The following PTPN4 variants were observed in gnomAD, a reference collection of about 807,000 sequenced individuals.
PTPN4 encodes the protein tyrosine-protein phosphatase non-receptor type 4.
Under a neutral mutation model 135.5 loss-of-function variants are expected in PTPN4, and 49 were observed. The ratio of observed to expected loss-of-function variants is 0.36; its 90% CI spans 0.29 to 0.46. The LOEUF is 0.46. Ranked by LOEUF, PTPN4 falls within the 20% of genes least tolerant of loss-of-function variation. PTPN4 has a pLI of 1.00. For missense variants in PTPN4, 860 were observed against 1,101.0 expected (o/e 0.78, Z 3.10); for synonymous variants, 333 against 369.9 (o/e 0.90, Z 1.14).
chr2:119,814,335 A>T (rs940880714), intron 2 of PTPN4, among the ~76,000 whole-genome samples: 3 of 152,158 alleles, frequency 2.0e-5, no homozygotes, highest in African/African-American at 7.2e-5. Context: ...TCAGCTGCAC[A>T]TGATGCTCCT....
At chr2:119,909,785 G>C (rs1198509261) in intron 10 of PTPN4, among the ~76,000 whole-genome samples, 2 of 152,088 alleles carry the variant, frequency 1.3e-5, no homozygotes, top group Admixed American at 6.6e-5. Flanking sequence ...TGAAGAAATT[G>C]ATTCCAACCC....
At chr2:119,813,779 C>T (rs1416791239) in intron 2 of PTPN4, among the ~76,000 whole-genome samples, 2 of 152,246 alleles carry the variant, frequency 1.3e-5, no homozygotes, top group African/African-American at 4.8e-5. Flanking sequence ...ATACAGTCTG[C>T]CAATATGGCA....
intron 2 of PTPN4, among the ~76,000 whole-genome samples, chr2:119,818,062 C>T (rs1677014363): frequency 6.6e-6 from 1 of 152,158 alleles, no homozygotes; most frequent in Non-Finnish European, 1.5e-5. Context: ...AGCTTGAGGG[C>T]TGAGACTATG....
Position 119,967,866 on chromosome 2 carries a change from T to C in PTPN4, c.2588T>C (p.Ile863Thr). Reference sequence around the variant, plus strand: ...GGAATCGGAAGAACTGGGGTTCTTATTACTATGGAAACAGCCATGTGTCTC... The same window carrying C: ...GGAATCGGAAGAACTGGGGTTCTTACTACTATGGAAACAGCCATGTGTCTC... ...SAGIGRTGVL[I>T]TMETAMCLIE... Residue 863 changes from isoleucine to threonine, a missense_variant, in exon 26 of 27, where the codon ATT becomes ACT. Physicochemically the swap from Ile to Thr is moderately conservative, Grantham distance 89. Coordinates refer to ENST00000263708, the MANE Select transcript of PTPN4 (RefSeq NM_002830.4). The C allele has an allele frequency of 6.2e-7, 1 of 1,610,812 alleles. No homozygotes were observed. The highest frequency in any genetic ancestry group is 8.5e-7 in the Non-Finnish European group (1 of 1,177,836).
At chr2:119,918,907 A>G (rs903949816) in intron 11 of PTPN4, among the ~76,000 whole-genome samples, 10 of 152,254 alleles carry the variant, frequency 6.6e-5, no homozygotes, top group African/African-American at 2.4e-4. Flanking sequence ...TTAGTGAATT[A>G]CTGCTTCATA....
At chr2:119,797,342 G>T (rs6753291) in intron 1 of PTPN4, among the ~76,000 whole-genome samples, 3,847 of 152,188 alleles carry the variant, frequency 0.025, 164 homozygotes, top group African/African-American at 0.087. Context: ...TTATCTTGAT[G>T]CCTGTATGAC....
chr2:119,866,799 C>T (rs1018508959), intron 3 of PTPN4, among the ~76,000 whole-genome samples: 23 of 152,110 alleles, frequency 1.5e-4, no homozygotes, highest in African/African-American at 5.5e-4. Context: ...TACATGGTTG[C>T]TAAAATGCTT....
chr2:119,837,323 TCTC>T (rs1023100392), intron 2 of PTPN4, among the ~76,000 whole-genome samples: 22 of 152,024 alleles, frequency 1.4e-4, no homozygotes, highest in Admixed American at 1.0e-3. Flanking sequence ...CCATCAGAAG[TCTC>T]CTCTCCACTG....
At chr2:119,929,170 A>G (rs1678866041) in intron 13 of PTPN4, among the ~76,000 whole-genome samples, 2 of 152,110 alleles carry the variant, frequency 1.3e-5, no homozygotes, top group Admixed American at 1.3e-4. Flanking sequence ...ATGAGGTTGT[A>G]ATAGTACTGG....
rs140572470 is a variant in PTPN4, at chr2:119,769,407, C to A, written c.-18+9023C>A. Among the ~76,000 whole-genome samples the A allele has an allele frequency of 2.5e-3, 386 of 152,302 alleles. 1 individual carries two copies. Among genetic ancestry groups the A allele is most frequent in the African/African-American group, 9.1e-3 (377 of 41,570 alleles). ...AATGAAAAATATGAACTCCCCAGGTCTCATCTCAGACCTTATAGATTCTTA... is the reference window on the plus strand; with the variant it reads ...AATGAAAAATATGAACTCCCCAGGTATCATCTCAGACCTTATAGATTCTTA... On this transcript the variant is annotated intron_variant, in intron 1 of 26. Transcript: ENST00000263708.
chr2:119,884,888 G>A (rs550922444), intron 8 of PTPN4, among the ~76,000 whole-genome samples: 1 of 152,158 alleles, frequency 6.6e-6, no homozygotes, highest in South Asian at 2.1e-4. Context: ...TAGAAAGTTT[G>A]TATCTTTGTT....
Position 119,946,521 on chromosome 2 carries a change from G to A in PTPN4, c.1603G>A (p.Gly535Arg), listed in dbSNP as rs1357655871. ...TTTTACTTATTCTCTTTTTAAGGGA[G>A]GATATGATCAGAAGATGCCTGTGAT... ...NGRFGFNVKGGYDQKMPVIVS... is the reference protein window; with the variant it reads ...NGRFGFNVKGRYDQKMPVIVS... The change falls in exon 18 of 27, where the codon GGA becomes AGA. Residue 535 changes from glycine (G) to arginine (R), a missense_variant. Physicochemically the swap from Gly to Arg is moderately radical, Grantham distance 125 (BLOSUM62 -2). Transcript: ENST00000263708. The A allele has an allele frequency of 6.2e-7, 1 of 1,608,334 alleles. No homozygotes were observed. The highest frequency in any genetic ancestry group is 8.5e-7 in the Non-Finnish European group (1 of 1,176,798).
chr2:119,951,959 A>G lies in PTPN4; in HGVS notation c.1657-14A>G. The stretch of plus-strand genomic sequence containing the variant: ...TGCATGCCAATCTGAAACCTTATCT[A>G]TATTATATTACAGGCTGACCTCTGT... On this transcript the variant is annotated splice_polypyrimidine_tract_variant and intron_variant, in intron 18 of 26. Coordinates refer to ENST00000263708, the MANE Select transcript of PTPN4 (RefSeq NM_002830.4). 3 of 1,589,630 alleles carry G rather than the reference A, an allele frequency of 1.9e-6. No homozygotes were observed. Among genetic ancestry groups the G allele is most frequent in the Non-Finnish European group, 2.6e-6 (3 of 1,168,452 alleles).
At chr2:119,952,174 C>T in intron 19 of PTPN4, 45 bp downstream of exon 19, 2 of 1,517,178 alleles carry the variant, frequency 1.3e-6, no homozygotes, top group African/African-American at 1.4e-5. Context: ...TAATTTATTA[C>T]TGTTCATTAC....
At chr2:119,891,381 C>T (rs1263981836) in intron 9 of PTPN4, among the ~76,000 whole-genome samples, 1 of 151,980 alleles carries the variant, frequency 6.6e-6, no homozygotes, top group Non-Finnish European at 1.5e-5. Context: ...GGAGTGCAGT[C>T]GTGTGATCTC....
At chr2:119,933,646 G>C (rs1314465003) in intron 14 of PTPN4, among the ~76,000 whole-genome samples, 1 of 145,510 alleles carries the variant, frequency 6.9e-6, no homozygotes. Flanking sequence ...CTGGACCACA[G>C]AGTGAGACCC....
intron 1 of PTPN4, among the ~76,000 whole-genome samples, chr2:119,789,123 A>G (rs553713416): frequency 1.3e-5 from 2 of 151,596 alleles, no homozygotes; most frequent in African/African-American, 2.4e-5. Context: ...AACCATCTAA[A>G]TAAGTGTGAG....
intron 9 of PTPN4, among the ~76,000 whole-genome samples, chr2:119,888,963 G>A (rs936492602): frequency 1.3e-5 from 2 of 152,082 alleles, no homozygotes; most frequent in African/African-American, 4.8e-5. Context: ...GGTCCTGGGC[G>A]TTTCTGTGTT....
Position 119,931,724 on chromosome 2 carries a change from G to A in PTPN4, c.1071-700G>A, listed in dbSNP as rs1574410119. Among the ~76,000 whole-genome samples the A allele has an allele frequency of 2.6e-5, 4 of 152,042 alleles. No homozygotes were observed. The South Asian group carries it at 8.3e-4, about 32-fold the overall frequency. ...CAAAGTGCTGGGATTGCAGCACTGAGCCACCTCGCGCATCCAAGATCTTTT... is the reference window on the plus strand; with the variant it reads ...CAAAGTGCTGGGATTGCAGCACTGAACCACCTCGCGCATCCAAGATCTTTT... On this transcript the variant is annotated intron_variant, in intron 13 of 26. Coordinates refer to ENST00000263708, the MANE Select transcript of PTPN4 (RefSeq NM_002830.4).
Sources: allele counts gnomAD v4.1 joint callset (sites outside exome capture counted in the v4.1 genomes callset), GRCh38; gene constraint gnomAD v4.1.1; transcripts MANE v1.5; gene names NCBI Gene and HGNC (gene_info 2026-07-23, HGNC 2026-07-21).